Variants in IDE observed in about 807,000 individuals in gnomAD.
IDE encodes insulin degrading enzyme.
Under a neutral mutation model 133.2 loss-of-function variants are expected in IDE, and 58 were observed. The observed-to-expected ratio is 0.44, with a 90% CI of 0.35 to 0.54. The LOEUF (loss-of-function observed/expected upper bound fraction) is 0.54, where lower values mean the gene tolerates loss of function less well. IDE is among the 20% of genes least tolerant of loss of function. The probability of loss-of-function intolerance (pLI) is 0.00; values close to 1 mark genes in which losing one functional copy is unlikely to be tolerated. For missense variants in IDE, 981 were observed against 1,234.0 expected (o/e 0.79, Z 3.07); for synonymous variants, 396 against 421.3 (o/e 0.94, Z 0.73).
At chr10:92,483,424 C>A in intron 13 of IDE, 87 bp from the exon 14 acceptor site, 1 of 737,372 alleles carries the variant, frequency 1.4e-6, no homozygotes, top group South Asian at 1.5e-5. Context: ...AGGAGGAGGA[C>A]AGAAGCAATA....
chr10:92,499,272 C>T (rs1348289218), intron 11 of IDE, among the ~76,000 whole-genome samples: 5 of 151,924 alleles, frequency 3.3e-5, no homozygotes, highest in Non-Finnish European at 5.9e-5. Context: ...CAACCTCCGG[C>T]CCCCAGGTTC....
At chr10:92,550,582 C>T (rs1312783999) in intron 1 of IDE, among the ~76,000 whole-genome samples, 4 of 140,476 alleles carry the variant, frequency 2.8e-5, no homozygotes, top group Non-Finnish European at 4.5e-5. Context: ...ACCCAGGAGG[C>T]GGAGCTTGCA....
chr10:92,525,184 C>T (rs771577933), intron 4 of IDE, among the ~76,000 whole-genome samples: 17 of 152,144 alleles, frequency 1.1e-4, no homozygotes, highest in Non-Finnish European at 2.1e-4. Context: ...ACCCGGGAGG[C>T]AGAGGTTGCA....
chr10:92,475,810 A>G (rs1249277386), intron 16 of IDE, 74 bp downstream of exon 16: 1 of 623,184 alleles, frequency 1.6e-6, no homozygotes, highest in South Asian at 2.2e-5. Context: ...TATATTATAA[A>G]AACTATTATG....
At chr10:92,572,611 C>T (rs140692273) in intron 1 of IDE, among the ~76,000 whole-genome samples, 142 of 152,250 alleles carry the variant, frequency 9.3e-4, no homozygotes, top group African/African-American at 3.3e-3. Context: ...TTAATGGCTC[C>T]CTACCTACTA....
intron 22 of IDE, among the ~76,000 whole-genome samples, chr10:92,460,358 G>A (rs531555503): frequency 6.6e-6 from 1 of 152,308 alleles, no homozygotes; most frequent in East Asian, 1.9e-4. Flanking sequence ...TGATTCTCAA[G>A]TTCTTTTGTT....
In IDE at chr10:92,508,191, G is replaced by A; in HGVS notation, c.1075C>T (p.Leu359Phe). ...GCTCCTTCCTTCTGCCCACCAACAA[G>A]AGTATTAACCCAGCCTGCAACATTC... Reference protein sequence around the residue: ...ELKSKGWVNTLVGGQKEGARG... With the variant: ...ELKSKGWVNTFVGGQKEGARG... The change falls in exon 8 of 25, where the codon CTT becomes TTT. Residue 359 changes from leucine to phenylalanine, a missense_variant. Transcript: ENST00000265986. 6.2e-7 allele frequency: 1 copy of A among 1,613,660 alleles called. No individual in the cohort carries two copies.
chr10:92,556,024 T>C (rs1686821634), intron 1 of IDE, among the ~76,000 whole-genome samples: 1 of 150,840 alleles, frequency 6.6e-6, no homozygotes, highest in African/African-American at 2.4e-5. Flanking sequence ...ATACAAAAAA[T>C]TAGCGGGGCG....
intron 5 of IDE, 76 bp from the exon 6 acceptor site, chr10:92,510,238 A>G (rs1390785340): frequency 2.7e-6 from 2 of 732,510 alleles, no homozygotes; most frequent in Non-Finnish European, 2.3e-6. Flanking sequence ...AAATCTTAGG[A>G]TCTCCTGAAA....
At chr10:92,534,146 A>G (rs996370116) in intron 3 of IDE, among the ~76,000 whole-genome samples, 7 of 152,254 alleles carry the variant, frequency 4.6e-5, no homozygotes, top group Non-Finnish European at 7.3e-5. Context: ...TTGCTCCAGA[A>G]AACACTTTCA....
At chr10:92,544,924 G>C (rs1842474907) in intron 1 of IDE, among the ~76,000 whole-genome samples, 1 of 152,164 alleles carries the variant, frequency 6.6e-6, no homozygotes, top group Non-Finnish European at 1.5e-5. Flanking sequence ...CAGTAGACAT[G>C]AATGGGTTTA....
chr10:92,479,175 A>AG (rs1274707723), intron 15 of IDE, 102 bp downstream of exon 15: 1 of 828,130 alleles, frequency 1.2e-6, no homozygotes, highest in Non-Finnish European at 1.8e-6. Flanking sequence ...TAAAGATTAA[A>AG]AAAAAAAGAA....
intron 1 of IDE, among the ~76,000 whole-genome samples, chr10:92,571,816 C>T (rs1843800807): frequency 6.6e-6 from 1 of 152,214 alleles, no homozygotes; most frequent in Non-Finnish European, 1.5e-5. Flanking sequence ...GGGTTAAATC[C>T]CAGCTCTTCC....
chr10:92,472,043 A>G (rs1176432925), intron 17 of IDE, among the ~76,000 whole-genome samples: 1 of 152,208 alleles, frequency 6.6e-6, no homozygotes, highest in Non-Finnish European at 1.5e-5. Flanking sequence ...ATTTAGAGTC[A>G]CTGAAGAGGC....
chr10:92,573,661 G>A (rs1228950423), intron 1 of IDE, among the ~76,000 whole-genome samples: 1 of 152,204 alleles, frequency 6.6e-6, no homozygotes, highest in African/African-American at 2.4e-5. Context: ...ACGCCCCGTG[G>A]CCCCGGGTAG....
chr10:92,563,457 GAA>G (rs1257515628), intron 1 of IDE, among the ~76,000 whole-genome samples: 2 of 117,054 alleles, frequency 1.7e-5, no homozygotes. Context: ...GTCTCAAAAA[GAA>G]AAAAAAAAAA....
chr10:92,561,943 C>A (rs1055861348), intron 1 of IDE, among the ~76,000 whole-genome samples: 1 of 152,134 alleles, frequency 6.6e-6, no homozygotes, highest in Non-Finnish European at 1.5e-5. Flanking sequence ...AGACTAACTT[C>A]CTCCAATCAC....
At chr10:92,550,135 G>A (rs1177360634) in intron 1 of IDE, among the ~76,000 whole-genome samples, 1 of 151,812 alleles carries the variant, frequency 6.6e-6, no homozygotes, top group Non-Finnish European at 1.5e-5. Flanking sequence ...GCCATTGCAC[G>A]TCAGCCTGGG....
chr10:92,517,138 A>G (rs1179037651), intron 4 of IDE, among the ~76,000 whole-genome samples: 1 of 152,118 alleles, frequency 6.6e-6, no homozygotes, highest in African/African-American at 2.4e-5. Context: ...AATATCTGAT[A>G]TAGGGGCACT....
Sources: allele counts gnomAD v4.1 joint callset (sites outside exome capture counted in the v4.1 genomes callset), GRCh38; gene constraint gnomAD v4.1.1; transcripts MANE v1.5; gene names NCBI Gene and HGNC (gene_info 2026-07-23, HGNC 2026-07-21).